TLE1: variants seen among roughly 807,000 people sequenced by gnomAD.
TLE1 encodes transducin-like enhancer protein 1.
A neutral mutation model predicts 89.8 loss-of-function variants in TLE1; 21 were observed. The observed-to-expected ratio is 0.23, with a 90% CI of 0.17 to 0.34. The LOEUF is 0.34. TLE1 is among the 10% of genes least tolerant of loss of function. The pLI, the probability that TLE1 is intolerant of heterozygous loss-of-function variation, is 1.00. For synonymous variants in TLE1, 447 were observed against 407.6 expected, an observed-to-expected ratio of 1.10 and a Z score of -1.16; for missense variants, 795 against 1,031.2, an observed-to-expected ratio of 0.77 and a Z score of 3.14.
At chr9:81,609,969 C>T (rs1823484590) in intron 14 of TLE1, among the ~76,000 whole-genome samples, 1 of 152,202 alleles carries the variant, frequency 6.6e-6, no homozygotes, top group African/African-American at 2.4e-5. Context: ...CCAGCTCTTT[C>T]CTCCCACCTC....
chr9:81,667,197 T>A (rs1831578827), intron 4 of TLE1, among the ~76,000 whole-genome samples: 1 of 150,862 alleles, frequency 6.6e-6, no homozygotes, highest in Non-Finnish European at 1.5e-5. Context: ...TGGATCACTT[T>A]AGGTCAGGAG....
rs960446368 is a variant in TLE1 at position 81,634,169 on chromosome 9, T to C, written c.505A>G (p.Ser169Gly). 2.5e-6 allele frequency: 4 copies of C among 1,600,414 alleles called. No individual in the cohort carries two copies. Among genetic ancestry groups the C allele is most frequent in the Admixed American group, 1.7e-5 (1 of 58,574 alleles). Residue 169 changes from serine (S) to glycine (G), a missense_variant, in exon 7 of 20, where the codon AGT becomes GGT. Ser to Gly is a moderately conservative substitution (Grantham distance 56). Around this residue, in one of 4 missense-constraint regions of TLE1, gnomAD observed 468 missense variants for 509.1 expected, o/e 0.92. Coordinates refer to ENST00000376499, the MANE Select transcript of TLE1 (RefSeq NM_005077.5). The stretch of plus-strand genomic sequence containing the variant: ...AAGTGAGACTGCCCACTCAGAGCAC[T>C]AGACAGCGCAAGAAGGCCGGCACTG... The part of the protein sequence containing the change: ...GGSAGLLALS[S>G]ALSGQSHLAI...
chr9:81,660,246 T>C (rs1830598409), intron 4 of TLE1, among the ~76,000 whole-genome samples: 2 of 151,386 alleles, frequency 1.3e-5, no homozygotes, highest in South Asian at 2.1e-4. Context: ...CATGCCTCAA[T>C]GAACCAAAAC....
chr9:81,616,165 T>C (rs1486709217), intron 10 of TLE1, 31 bp from the exon 11 acceptor site: 3 of 1,583,010 alleles, frequency 1.9e-6, no homozygotes, highest in East Asian at 2.2e-5. Flanking sequence ...GTTTTCGTGA[T>C]TTAGCTTGTA....
intron 4 of TLE1, among the ~76,000 whole-genome samples, chr9:81,684,980 T>A (rs950421613): frequency 1.3e-5 from 2 of 152,206 alleles, no homozygotes; most frequent in Non-Finnish European, 2.9e-5. Flanking sequence ...ATAGTAGCCA[T>A]AAGTGTGAAT....
intron 6 of TLE1, among the ~76,000 whole-genome samples, chr9:81,640,759 G>A (rs1828006841): frequency 6.6e-6 from 1 of 152,174 alleles, no homozygotes; most frequent in African/African-American, 2.4e-5. Context: ...GAGTGTTACT[G>A]TAATGGTATA....
rs557150259 is a variant in TLE1 at position 81,584,083 on chromosome 9, T to G, written c.*115A>C. On this transcript the variant is annotated 3_prime_UTR_variant, in exon 20 of 20. Transcript: ENST00000376499. Reference sequence around the variant, plus strand: ...ACTCAAAGTAGTTTTCTGTCAAGGTTTGGAAACAGGTGTTTGTAATTTTTT... The same window carrying G: ...ACTCAAAGTAGTTTTCTGTCAAGGTGTGGAAACAGGTGTTTGTAATTTTTT... The G allele has an allele frequency of 1.2e-5, 11 of 898,854 alleles. No homozygotes were observed. The African/African-American group carries it at 1.5e-4, about 12-fold the overall frequency. The allele number at this position is 898,854 out of a possible 1,614,324, so 55.7% of individuals were successfully genotyped here. A position where few individuals can be genotyped will look rare whatever the true frequency, so the allele number is the denominator to read the frequency against.
chr9:81,671,550 C>T (rs937413048), intron 4 of TLE1, among the ~76,000 whole-genome samples: 1 of 151,760 alleles, frequency 6.6e-6, no homozygotes, highest in African/African-American at 2.4e-5. Flanking sequence ...GAGGCCAAGG[C>T]AGGAGAATCG....
chr9:81,676,128 T>C (rs549018539), intron 4 of TLE1, among the ~76,000 whole-genome samples: 2 of 152,290 alleles, frequency 1.3e-5, no homozygotes, highest in Admixed American at 6.5e-5. Flanking sequence ...TGTAAAAACA[T>C]GTACAAACTT....
intron 14 of TLE1, chr9:81,600,025 C>A: frequency 3.0e-6 from 2 of 671,282 alleles, no homozygotes; most frequent in Middle Eastern, 2.4e-4. Context: ...CAGCCAAAGT[C>A]AACATTTAAG....
chr9:81,645,160 G>C (rs1289758864), intron 6 of TLE1, among the ~76,000 whole-genome samples: 1 of 151,722 alleles, frequency 6.6e-6, no homozygotes, highest in African/African-American at 2.4e-5. Context: ...AGGAGTTCCA[G>C]ACCAGCCTGA....
chr9:81,622,159 AG>A (rs1435711496), intron 8 of TLE1, among the ~76,000 whole-genome samples: 1 of 152,246 alleles, frequency 6.6e-6, no homozygotes, highest in Non-Finnish European at 1.5e-5. Flanking sequence ...CCGGGGCAGC[AG>A]CTGCTTGTTC....
rs373880981 is a variant in TLE1, at chr9:81,688,658, A to G, written c.-418T>C. On this transcript the variant is annotated 5_prime_UTR_variant, in exon 1 of 20. Coordinates refer to ENST00000376499, the MANE Select transcript of TLE1 (RefSeq NM_005077.5). ...GTCCTGGGCAAACAAATCCAGACGGACTGCTTTTCTTTGCTCTTCTCCTGG... is the reference window on the plus strand; with the variant it reads ...GTCCTGGGCAAACAAATCCAGACGGGCTGCTTTTCTTTGCTCTTCTCCTGG... 1.7e-5 allele frequency: 3 copies of G among 180,520 alleles called. No individual in the cohort carries two copies. The highest frequency in any genetic ancestry group is 7.0e-5 in the African/African-American group (3 of 42,650). The allele number at this position is 180,520 out of a possible 1,614,324, so 11.2% of individuals were successfully genotyped here.
At chr9:81,679,310 TTTC>T (rs1376768747) in intron 4 of TLE1, among the ~76,000 whole-genome samples, 1 of 152,138 alleles carries the variant, frequency 6.6e-6, no homozygotes, top group East Asian at 1.9e-4. Context: ...TTCACTTTTT[TTTC>T]TTTTTTTTTC....
At chr9:81,626,927 A>G (rs950929793) in intron 8 of TLE1, among the ~76,000 whole-genome samples, 2 of 152,208 alleles carry the variant, frequency 1.3e-5, no homozygotes, top group African/African-American at 4.8e-5. Context: ...GCCGTTCCCC[A>G]GCTCAGGACC....
intron 6 of TLE1, among the ~76,000 whole-genome samples, chr9:81,647,897 T>C (rs963328540): frequency 1.3e-5 from 2 of 152,300 alleles, no homozygotes; most frequent in African/African-American, 4.8e-5. Flanking sequence ...AAATAAAATA[T>C]ACAACTGTGC....
chr9:81,684,561 G>C (rs1421043920), intron 4 of TLE1, among the ~76,000 whole-genome samples: 1 of 152,216 alleles, frequency 6.6e-6, no homozygotes, highest in Non-Finnish European at 1.5e-5. Context: ...GAAAGTCTTT[G>C]AATATAAGGA....
chr9:81,684,172 C>T (rs996558720), intron 4 of TLE1, among the ~76,000 whole-genome samples: 2 of 151,348 alleles, frequency 1.3e-5, no homozygotes, highest in Admixed American at 6.6e-5. Flanking sequence ...AAGATTAAAC[C>T]GCCTAGGCCA....
At chr9:81,636,021 T>C (rs1377455013) in intron 6 of TLE1, among the ~76,000 whole-genome samples, 1 of 152,102 alleles carries the variant, frequency 6.6e-6, no homozygotes, top group East Asian at 1.9e-4. Context: ...TAAAAATGTC[T>C]AAGAGCCAGC....
Sources: allele counts gnomAD v4.1 joint callset (sites outside exome capture counted in the v4.1 genomes callset), GRCh38; gene constraint gnomAD v4.1.1; regional missense constraint gnomAD v4.1.1; transcripts MANE v1.5; gene names NCBI Gene and HGNC (gene_info 2026-07-23, HGNC 2026-07-21).